Variants in PPEF1 observed in about 807,000 individuals in gnomAD.
PPEF1 encodes the protein protein phosphatase with EF-hand domain 1, also known as serine/threonine-protein phosphatase with EF-hands 1.
In PPEF1, 12 loss-of-function variants were observed where a neutral mutation model predicts 53.3. The observed-to-expected ratio is 0.23, with a 90% CI of 0.14 to 0.36. The LOEUF is 0.36. PPEF1 is among the 10% of genes least tolerant of loss of function. The probability of loss-of-function intolerance (pLI) is 1.00; values close to 1 mark genes in which losing one functional copy is unlikely to be tolerated. For missense variants in PPEF1, 334 were observed against 490.4 expected, an observed-to-expected ratio of 0.68 and a Z score of 3.01; for synonymous variants, 165 against 176.7, an observed-to-expected ratio of 0.93 and a Z score of 0.52.
chrX:18,768,132 G>C, intron 6 of PPEF1, among the ~76,000 whole-genome samples: 1 of 111,820 alleles, frequency 8.9e-6, no homozygotes, highest in Non-Finnish European at 1.9e-5. Flanking sequence ...GTTAGTGGCC[G>C]TGCTTTCACT....
At chrX:18,700,546 C>T (rs1930039941) in intron 6 of PPEF1, 3 of 110,722 alleles carry the variant, frequency 2.7e-5, no homozygotes, top group African/African-American at 9.9e-5. Context: ...GTATATCTTA[C>T]TGCTTTGCAA....
chrX:18,710,605 T>C (rs752923020), intron 1 of PPEF1, among the ~76,000 whole-genome samples: 2 of 111,472 alleles, frequency 1.8e-5, no homozygotes, highest in East Asian at 5.6e-4. Context: ...ATCAGGTAAA[T>C]GCAAATTGAA....
chrX:18,819,761 G>A (rs1014465926), intron 13 of PPEF1, among the ~76,000 whole-genome samples: 1 of 111,833 alleles, frequency 8.9e-6, no homozygotes, highest in South Asian at 3.7e-4. Flanking sequence ...TCAGAGTACT[G>A]GGAGGAGAGA....
chrX:18,783,111 C>CAA (rs139197097), intron 8 of PPEF1, among the ~76,000 whole-genome samples: 9 of 59,161 alleles, frequency 1.5e-4, no homozygotes, highest in Admixed American at 4.7e-4. Flanking sequence ...GACTCCATCT[C>CAA]AAAAAAAAAA....
chrX:18,684,097 G>T (rs914114325), intron 1 of PPEF1, among the ~76,000 whole-genome samples: 10 of 112,223 alleles, frequency 8.9e-5, no homozygotes, highest in African/African-American at 2.9e-4. Context: ...CCAAGGGCTT[G>T]CCCTGTGTTC....
intron 6 of PPEF1, among the ~76,000 whole-genome samples, chrX:18,768,883 G>A (rs2045825200): frequency 8.9e-6 from 1 of 111,858 alleles, no homozygotes; most frequent in Admixed American, 9.5e-5. Context: ...CTAACCTTAT[G>A]GAAGACTTCC....
At chrX:18,703,167 G>T (rs1483443284), upstream of PPEF1, among the ~76,000 whole-genome samples, 1 of 111,267 alleles carries the variant, frequency 9.0e-6, no homozygotes, top group Non-Finnish European at 1.9e-5. Context: ...GGAAGTCTAG[G>T]TGGGGCAGTA....
At chrX:18,826,206 TG>T (rs773270640) in intron 15 of PPEF1, among the ~76,000 whole-genome samples, 1 of 110,926 alleles carries the variant, frequency 9.0e-6, no homozygotes, top group South Asian at 3.8e-4. Flanking sequence ...TATTTCAGTT[TG>T]GCTGCAGACT....
Position 18,749,919 on chromosome X carries a change from T to C in PPEF1, c.363T>C (p.Ile121=). The C allele has an allele frequency of 8.3e-7, 1 of 1,207,289 alleles. No homozygotes were observed. The highest frequency in any genetic ancestry group is 1.1e-6 in the Non-Finnish European group (1 of 891,881). ...AATTTCCTCTCACTTGTACGGATATTGATTTACTTCTTGAGGCCTTCAAGG... is the reference window on the plus strand; with the variant it reads ...AATTTCCTCTCACTTGTACGGATATCGATTTACTTCTTGAGGCCTTCAAGG... The part of the protein sequence containing the change: ...RLQFPLTCTD[I]DLLLEAFKEQ... The change falls in exon 4 of 16, where the codon ATT becomes ATC. Residue 121 remains isoleucine, a synonymous_variant. Transcript: ENST00000470157.
At chrX:18,692,264 G>A (rs759991349) in intron 4 of PPEF1, among the ~76,000 whole-genome samples, 1 of 111,568 alleles carries the variant, frequency 9.0e-6, no homozygotes, top group African/African-American at 3.3e-5. Context: ...CCATAAACTC[G>A]CTTGTCCCCC....
At chrX:18,685,684 CAAAA>C (rs1212907646) in intron 2 of PPEF1, among the ~76,000 whole-genome samples, 3 of 28,748 alleles carry the variant, frequency 1.0e-4, no homozygotes. Flanking sequence ...GACTCCATCT[CAAAA>C]AAAAAAAAAA....
Position 18,783,891 on chromosome X carries a change from A to G in PPEF1, c.763-8A>G. 8.3e-7 allele frequency: 1 copy of G among 1,205,890 alleles called. No individual in the cohort carries two copies. The highest frequency in any genetic ancestry group is 1.1e-6 in the Non-Finnish European group (1 of 892,789). ...AAAAACAAAACTTACTCAAGCTCTT[A>G]CTTACAGCTACATGGAAAAAGAATC... is the stretch of plus-strand genomic sequence containing the variant. On this transcript the variant is annotated splice_polypyrimidine_tract_variant and splice_region_variant and intron_variant, in intron 8 of 15. Coordinates refer to ENST00000470157, the MANE Select transcript of PPEF1 (RefSeq NM_001377996.1).
intron 12 of PPEF1, among the ~76,000 whole-genome samples, chrX:18,815,099 G>A (rs1009491765): frequency 9.0e-6 from 1 of 111,522 alleles, no homozygotes; most frequent in African/African-American, 3.3e-5. Flanking sequence ...TTATTGAATA[G>A]GGAGTCCTTT....
chrX:18,685,044 G>A (rs188478033), intron 2 of PPEF1, among the ~76,000 whole-genome samples: 1 of 112,233 alleles, frequency 8.9e-6, no homozygotes, highest in East Asian at 2.8e-4. Context: ...CCTGATAGCA[G>A]CCAGTGCTAA....
intron 4 of PPEF1, among the ~76,000 whole-genome samples, chrX:18,754,321 G>A (rs914108576): frequency 6.3e-5 from 7 of 111,119 alleles, no homozygotes; most frequent in East Asian, 5.6e-4. Context: ...TTTTTGTGGC[G>A]GAATGGGACC....
Position 18,806,491 on chromosome X carries a change from G to T in PPEF1, c.1340G>T (p.Arg447Leu). ...YIKLCSGTTP[R>L]FFQYQVTKAT... Reference sequence around the variant, plus strand: ...AAACTATGTTCTGGTACAACTCCTCGATTTTTCCAGTACCAAGTAACTAAA... The same window carrying T: ...AAACTATGTTCTGGTACAACTCCTCTATTTTTCCAGTACCAAGTAACTAAA... Residue 447 changes from arginine (R) to leucine (L), a missense_variant, in exon 12 of 16, where the codon CGA (arginine) becomes CTA (leucine). Arg to Leu is a moderately radical substitution (Grantham distance 102). Transcript: ENST00000470157. The T allele has an allele frequency of 8.3e-7, 1 of 1,209,458 alleles. No individual in the cohort carries two copies. Among genetic ancestry groups the T allele is most frequent in the Non-Finnish European group, 1.1e-6 (1 of 893,919 alleles).
At chrX:18,693,559 A>G (rs1042843917) in intron 4 of PPEF1, among the ~76,000 whole-genome samples, 4 of 111,804 alleles carry the variant, frequency 3.6e-5, no homozygotes, top group African/African-American at 9.7e-5. Flanking sequence ...CAGTTCTGTG[A>G]TTTATTTTTT....
upstream of PPEF1, among the ~76,000 whole-genome samples, chrX:18,678,665 G>A (rs1358213176): frequency 1.8e-5 from 2 of 111,638 alleles, no homozygotes; most frequent in African/African-American, 6.5e-5. Context: ...CATCAGATTT[G>A]ATCTACTAGC....
intron 11 of PPEF1, among the ~76,000 whole-genome samples, chrX:18,804,650 G>A (rs751865234): frequency 5.6e-4 from 63 of 112,294 alleles, no homozygotes; most frequent in African/African-American, 2.0e-3. Flanking sequence ...TAGACACACA[G>A]AAAGGCTTGG....
Sources: allele counts gnomAD v4.1 joint callset (sites outside exome capture counted in the v4.1 genomes callset), GRCh38; gene constraint gnomAD v4.1.1; transcripts MANE v1.5; gene names NCBI Gene and HGNC (gene_info 2026-07-23, HGNC 2026-07-21).